Variants in PDE10A observed in about 807,000 individuals in gnomAD.
PDE10A encodes the protein phosphodiesterase 10A, also known as cAMP and cAMP-inhibited cGMP 3',5'-cyclic phosphodiesterase 10A.
PDE10A carries 39 observed loss-of-function variants against 97.7 expected under a neutral mutation model. The observed-to-expected ratio is 0.40, with a 90% CI of 0.31 to 0.52. The LOEUF is 0.52. Ranked by LOEUF, PDE10A falls within the 20% of genes least tolerant of loss-of-function variation. The pLI is 0.56. For synonymous variants in PDE10A, 371 were observed against 376.8 expected, an observed-to-expected ratio of 0.98 and a Z score of 0.18; for missense variants, 731 against 1,047.8, an observed-to-expected ratio of 0.70 and a Z score of 4.17.
At chr6:165,395,713 T>C (rs1008017910) in intron 14 of PDE10A, among the ~76,000 whole-genome samples, 1 of 152,196 alleles carries the variant, frequency 6.6e-6, no homozygotes, top group Non-Finnish European at 1.5e-5. Context: ...TTTGCTAATT[T>C]AGTTACCAAC....
chr6:165,479,886 A>G (rs1390914364), intron 3 of PDE10A, among the ~76,000 whole-genome samples: 1 of 152,212 alleles, frequency 6.6e-6, no homozygotes, highest in Non-Finnish European at 1.5e-5. Flanking sequence ...TCATGAAAAA[A>G]TAATGATAGT....
At chr6:165,906,595 A>G (rs1235756093) in intron 1 of PDE10A, among the ~76,000 whole-genome samples, 1 of 152,216 alleles carries the variant, frequency 6.6e-6, no homozygotes, top group African/African-American at 2.4e-5. Context: ...GCAAGGTGAA[A>G]GAATGGAAAT....
intron 5 of PDE10A, among the ~76,000 whole-genome samples, chr6:165,441,735 G>A (rs1265591482): frequency 6.6e-6 from 1 of 152,168 alleles, no homozygotes; most frequent in Non-Finnish European, 1.5e-5. Flanking sequence ...AGGCTGTCGG[G>A]CTCATCACTG....
At chr6:165,398,162 T>C (rs562207067) in intron 13 of PDE10A, among the ~76,000 whole-genome samples, 44 of 152,324 alleles carry the variant, frequency 2.9e-4, no homozygotes, top group African/African-American at 3.4e-4. Flanking sequence ...TTTTCAGTTA[T>C]ACTGTTTGAG....
At chr6:165,449,099 T>A (rs1022831883) in intron 4 of PDE10A, 122 bp from the exon 5 acceptor site, 3 of 694,952 alleles carry the variant, frequency 4.3e-6, no homozygotes, top group Non-Finnish European at 7.9e-6. Flanking sequence ...GAATCAATGG[T>A]CATGCAGTAA....
intron 2 of PDE10A, among the ~76,000 whole-genome samples, chr6:165,512,992 A>T (rs1234918120): frequency 2.0e-5 from 3 of 151,936 alleles, no homozygotes; most frequent in Non-Finnish European, 4.4e-5. Context: ...GTTGACTTTT[A>T]AAAAAATGGG....
intron 1 of PDE10A, among the ~76,000 whole-genome samples, chr6:165,629,752 T>G (rs1478792591): frequency 6.6e-6 from 1 of 152,304 alleles, no homozygotes; most frequent in African/African-American, 2.4e-5. Flanking sequence ...CAGGCTGGTC[T>G]TCAACTCGTG....
intron 1 of PDE10A, among the ~76,000 whole-genome samples, chr6:165,938,921 T>C (rs1308294687): frequency 6.6e-6 from 1 of 152,214 alleles, no homozygotes; most frequent in African/African-American, 2.4e-5. Context: ...AGTGGACATA[T>C]GTGCAACAAT....
At chr6:165,438,222 C>G (rs1790173530) in intron 5 of PDE10A, among the ~76,000 whole-genome samples, 1 of 151,932 alleles carries the variant, frequency 6.6e-6, no homozygotes. Context: ...GAGTTTCACT[C>G]TTGTTGCCCA....
At chr6:165,649,008 C>T (rs909248256) in intron 1 of PDE10A, among the ~76,000 whole-genome samples, 1 of 152,088 alleles carries the variant, frequency 6.6e-6, no homozygotes, top group Admixed American at 6.5e-5. Context: ...CAGGGTTTTC[C>T]CCAGAACAGT....
At chr6:165,960,414 A>C (rs1174011299) in intron 1 of PDE10A, among the ~76,000 whole-genome samples, 1 of 152,194 alleles carries the variant, frequency 6.6e-6, no homozygotes, top group Admixed American at 6.5e-5. Context: ...CAGGACGAGG[A>C]AAGAGACAGG....
intron 1 of PDE10A, among the ~76,000 whole-genome samples, chr6:165,826,600 AGTCCTTGTG>A (rs1779761085): frequency 1.3e-5 from 2 of 150,832 alleles, no homozygotes; most frequent in African/African-American, 4.9e-5. Flanking sequence ...CCCACAGCCC[AGTCCTTGTG>A]GTTCTGCTGG....
At chr6:165,593,841 C>T (rs1786426018) in intron 1 of PDE10A, among the ~76,000 whole-genome samples, 1 of 152,166 alleles carries the variant, frequency 6.6e-6, no homozygotes, top group African/African-American at 2.4e-5. Context: ...AGACTGAAAA[C>T]TATGCTCAGA....
intron 1 of PDE10A, among the ~76,000 whole-genome samples, chr6:165,913,647 G>A (rs1427118284): frequency 1.3e-5 from 2 of 152,212 alleles, no homozygotes; most frequent in East Asian, 3.8e-4. Flanking sequence ...ATCTATGTAT[G>A]TATGAACGTG....
At chr6:165,515,489 T>TACAC (rs60583870) in intron 2 of PDE10A, among the ~76,000 whole-genome samples, 2 of 148,086 alleles carry the variant, frequency 1.4e-5, no homozygotes, top group Non-Finnish European at 1.5e-5. Context: ...ATTTATAGTA[T>TACAC]ACACACACAC....
chr6:165,958,010 G>C (rs977197240), intron 1 of PDE10A, among the ~76,000 whole-genome samples: 3 of 152,128 alleles, frequency 2.0e-5, no homozygotes, highest in Non-Finnish European at 2.9e-5. Flanking sequence ...TGATCGTAAC[G>C]GTCTTTCTCA....
Position 165,761,881 on chromosome 6 carries a change from A to C in PDE10A, c.-614-218313T>G, listed in dbSNP as rs148860907. Among the ~76,000 whole-genome samples the C allele has an allele frequency of 4.6e-3, 705 of 152,300 alleles. 1 individual carries two copies. Among genetic ancestry groups the C allele is most frequent in the African/African-American group, 0.016 (665 of 41,564 alleles). ...GAAGTAACTATGTAACTAGCAAATGATATTCTCTGTAATTATCCTTAATGG... is the reference window on the plus strand; with the variant it reads ...GAAGTAACTATGTAACTAGCAAATGCTATTCTCTGTAATTATCCTTAATGG... On this transcript the variant is annotated intron_variant, in intron 1 of 19. Coordinates refer to the PDE10A transcript ENST00000366882.
At chr6:165,777,674 C>T (rs533439754) in intron 1 of PDE10A, among the ~76,000 whole-genome samples, 1 of 150,888 alleles carries the variant, frequency 6.6e-6, no homozygotes, top group South Asian at 2.1e-4. Context: ...ATAAGATCGG[C>T]GGCTGATCTC....
At chr6:165,771,311 A>G (rs1363260418) in intron 1 of PDE10A, among the ~76,000 whole-genome samples, 2 of 152,182 alleles carry the variant, frequency 1.3e-5, no homozygotes, top group Non-Finnish European at 2.9e-5. Flanking sequence ...GACTCCACCT[A>G]ATGACACAGG....
Sources: allele counts gnomAD v4.1 joint callset (sites outside exome capture counted in the v4.1 genomes callset), GRCh38; gene constraint gnomAD v4.1.1; transcripts MANE v1.5; gene names NCBI Gene and HGNC (gene_info 2026-07-23, HGNC 2026-07-21).